MAP3K20: variants seen among roughly 807,000 people sequenced by gnomAD.
MAP3K20 encodes the protein mitogen-activated protein kinase kinase kinase 20, also known as HCCS-4.
Under a neutral mutation model 85.7 loss-of-function variants are expected in MAP3K20, and 40 were observed. The observed-to-expected ratio is 0.47, with a 90% CI of 0.36 to 0.61. The LOEUF (loss-of-function observed/expected upper bound fraction) is 0.61. MAP3K20 is among the 20% of genes least tolerant of loss of function. The pLI is 0.00. For missense variants in MAP3K20, 817 were observed against 961.7 expected (o/e 0.85, Z 1.99); for synonymous variants, 325 against 327.7 (o/e 0.99, Z 0.09).
chr2:173,239,770 C>T (rs1436687462), intron 16 of MAP3K20, among the ~76,000 whole-genome samples: 2 of 152,126 alleles, frequency 1.3e-5, no homozygotes, highest in East Asian at 1.9e-4. Flanking sequence ...GAAGGGGGGC[C>T]GTGGATACCA....
intron 10 of MAP3K20, among the ~76,000 whole-genome samples, chr2:173,213,057 T>G (rs1683960271): frequency 6.6e-6 from 1 of 152,102 alleles, no homozygotes; most frequent in African/African-American, 2.4e-5. Context: ...ATAAAATAAA[T>G]ATATATTATT....
intron 11 of MAP3K20, chr2:173,223,864 G>GA: frequency 3.0e-6 from 3 of 985,480 alleles, no homozygotes; most frequent in Non-Finnish European, 3.6e-6. Flanking sequence ...GAGTAGAGCA[G>GA]AAGGGAGGGC....
At chr2:173,195,274 G>C (rs1014070779) in intron 7 of MAP3K20, among the ~76,000 whole-genome samples, 7 of 150,620 alleles carry the variant, frequency 4.6e-5, no homozygotes, top group Non-Finnish European at 7.4e-5. Flanking sequence ...AACCAGCCTT[G>C]AAAACATAGT....
At chr2:173,093,517 G>A (rs1687362795) in intron 2 of MAP3K20, among the ~76,000 whole-genome samples, 1 of 152,164 alleles carries the variant, frequency 6.6e-6, no homozygotes, top group African/African-American at 2.4e-5. Context: ...CTCTAGTGTA[G>A]TGAGTATGTA....
intron 15 of MAP3K20, 114 bp from the exon 16 acceptor site, chr2:173,239,290 A>C: frequency 1.3e-6 from 1 of 799,086 alleles, no homozygotes. Context: ...AAATAACCAA[A>C]AGTTAATAGA....
intron 2 of MAP3K20, among the ~76,000 whole-genome samples, chr2:173,118,889 A>G (rs144437571): frequency 9.2e-5 from 14 of 152,324 alleles, no homozygotes; most frequent in African/African-American, 3.4e-4. Flanking sequence ...ATTAAGTTTT[A>G]GAAGTGTACA....
chr2:173,108,133 A>AT (rs66464923), intron 2 of MAP3K20, among the ~76,000 whole-genome samples: 4,874 of 129,000 alleles, frequency 0.038, 262 homozygotes, highest in African/African-American at 0.11. Flanking sequence ...TGGGATTTTT[A>AT]TTTTTTTTTT....
At chr2:173,226,193 C>T (rs1166205126) in intron 11 of MAP3K20, 3 of 816,218 alleles carry the variant, frequency 3.7e-6, no homozygotes, top group Admixed American at 1.2e-4. Flanking sequence ...AATTAGGGGT[C>T]GGGGGAGGGT....
At chr2:173,151,778 T>A (rs562070531) in intron 2 of MAP3K20, among the ~76,000 whole-genome samples, 85 of 152,336 alleles carry the variant, frequency 5.6e-4, no homozygotes, top group Middle Eastern at 6.8e-3. Flanking sequence ...CCTTACTTTC[T>A]TAGTGACACA....
chr2:173,243,282 A>G (rs1017740026), intron 16 of MAP3K20, among the ~76,000 whole-genome samples: 4 of 152,170 alleles, frequency 2.6e-5, no homozygotes, highest in Admixed American at 2.6e-4. Context: ...GGGTCCTTGA[A>G]GTCTTCTTGG....
At chr2:173,222,978 T>A in intron 11 of MAP3K20, 2 of 985,404 alleles carry the variant, frequency 2.0e-6, no homozygotes, top group Non-Finnish European at 2.4e-6. Flanking sequence ...ACCAAAATAT[T>A]TTTGGTGGGT....
chr2:173,211,030 A>T (rs1683876457), intron 10 of MAP3K20: 1 of 152,242 alleles, frequency 6.6e-6, no homozygotes, highest in South Asian at 2.1e-4. Flanking sequence ...AATTAACAAA[A>T]CAGAACATTT....
chr2:173,165,181 G>T (rs1227056151), intron 2 of MAP3K20, among the ~76,000 whole-genome samples: 1 of 152,056 alleles, frequency 6.6e-6, no homozygotes, highest in Admixed American at 6.5e-5. Flanking sequence ...GGCCAAGGCA[G>T]GTGGATCATC....
At chr2:173,081,202 T>C (rs1687004829) in intron 1 of MAP3K20, among the ~76,000 whole-genome samples, 1 of 151,948 alleles carries the variant, frequency 6.6e-6, no homozygotes. Flanking sequence ...TTTTTTTTTT[T>C]TTTTTTTAGA....
chr2:173,181,257 C>T (rs991728234), intron 3 of MAP3K20, among the ~76,000 whole-genome samples: 1 of 152,076 alleles, frequency 6.6e-6, no homozygotes, highest in Non-Finnish European at 1.5e-5. Flanking sequence ...TCACATGCAC[C>T]TGTAATCCCA....
At position 173,192,412 on chromosome 2, in the gene MAP3K20, TG is replaced by T. The variant is rs367937604; in HGVS notation, c.582+1236del. Among the ~76,000 whole-genome samples, 35 of 152,356 alleles carry T rather than the reference TG, an allele frequency of 2.3e-4. No homozygotes were observed. In the South Asian group the frequency reaches 6.2e-3, roughly 27 times the overall value. ...AATAAAGATTAATTTTGTTAGCTAT[TG>T]AAAAAATCATTTCAAGAATGAAATA... On this transcript the variant is annotated intron_variant, in intron 7 of 19. Coordinates refer to ENST00000375213, the MANE Select transcript of MAP3K20 (RefSeq NM_016653.3).
intron 11 of MAP3K20, chr2:173,221,270 G>A: frequency 6.2e-7 from 1 of 1,614,058 alleles, no homozygotes; most frequent in South Asian, 1.1e-5. Flanking sequence ...GGAGGGCCAT[G>A]GCATGAACCC....
Position 173,140,256 on chromosome 2 carries a change from C to T in MAP3K20, c.160-29549C>T, listed in dbSNP as rs556722925. ...CAAACTCATGACCTCGTGATCCACC[C>T]ACCTCAGCCTCCCAAAGTGCTGGGA... On this transcript the variant is annotated intron_variant, in intron 2 of 19. Coordinates refer to ENST00000375213, the MANE Select transcript of MAP3K20 (RefSeq NM_016653.3). 2.6e-5 allele frequency among the ~76,000 whole-genome samples: 4 copies of T among 152,240 alleles called. No homozygotes were observed. The South Asian group carries it at 8.3e-4, about 32-fold the overall frequency.
chr2:173,117,254 G>A (rs1688151741), intron 2 of MAP3K20, among the ~76,000 whole-genome samples: 1 of 152,074 alleles, frequency 6.6e-6, no homozygotes, highest in Non-Finnish European at 1.5e-5. Flanking sequence ...TTGAAGCAGG[G>A]ATATGTAGTT....
Sources: gnomAD v4.1 joint callset for allele counts (sites outside exome capture counted in the v4.1 genomes callset) on GRCh38, gnomAD v4.1.1 for gene constraint, MANE v1.5 for transcripts, NCBI Gene and HGNC (gene_info 2026-07-23, HGNC 2026-07-21) for gene names.